The following ACTR3C variants were observed in gnomAD, a reference collection of about 807,000 sequenced individuals.
ACTR3C encodes the protein actin-related protein 3C.
In ACTR3C, 18 loss-of-function variants were observed where a neutral mutation model predicts 26.3. The ratio of observed to expected loss-of-function variants is 0.68; its 90% CI spans 0.47 to 1.01. The LOEUF (loss-of-function observed/expected upper bound fraction) is 1.01, where lower values mean the gene tolerates loss of function less well. Among genes scored for constraint, ACTR3C ranks in the 50% least tolerant of loss-of-function variants. The pLI is 0.00. For synonymous variants in ACTR3C, 55 were observed against 94.5 expected (o/e 0.58, Z 2.42); for missense variants, 184 against 250.7 (o/e 0.73, Z 1.80).
the ACTR3C span, among the ~76,000 whole-genome samples, chr7:150,172,610 T>C: frequency 6.0e-5 from 9 of 149,860 alleles, no homozygotes; most frequent in Non-Finnish European, 1.3e-4. Flanking sequence ...TCAAAACCAA[T>C]CATGCCTTCC....
At chr7:150,174,197 A>AAGACT in the ACTR3C span, among the ~76,000 whole-genome samples, 3 of 139,624 alleles carry the variant, frequency 2.1e-5, no homozygotes, top group Non-Finnish European at 4.4e-5. Context: ...AGACACACCT[A>AAGACT]AGACTAGGAA....
chr7:150,035,206 G>A, the ACTR3C span, among the ~76,000 whole-genome samples: 156 of 127,918 alleles, frequency 1.2e-3, 15 homozygotes, highest in Middle Eastern at 4.0e-3. Flanking sequence ...CCTCACGGGG[G>A]GTGCCTCCCA....
chr7:150,078,932 C>G, the ACTR3C span, among the ~76,000 whole-genome samples: 162 of 152,244 alleles, frequency 1.1e-3, 1 homozygote, highest in African/African-American at 3.7e-3. Flanking sequence ...TCACTTGTCT[C>G]TACTGAAGGA....
chr7:150,184,586 A>C, the ACTR3C span, among the ~76,000 whole-genome samples: 5 of 150,442 alleles, frequency 3.3e-5, no homozygotes, highest in Admixed American at 3.3e-4. Flanking sequence ...TACCGGCAGG[A>C]CAGCATCCTA....
At chr7:150,168,955 C>T in the ACTR3C span, among the ~76,000 whole-genome samples, 86 of 150,822 alleles carry the variant, frequency 5.7e-4, 6 homozygotes, top group African/African-American at 2.0e-3. Context: ...TCTGCATCCC[C>T]GAAACCTGCC....
chr7:150,200,123 G>A, the ACTR3C span, among the ~76,000 whole-genome samples: 43 of 152,274 alleles, frequency 2.8e-4, no homozygotes, highest in African/African-American at 9.1e-4. Context: ...CGATAATGAA[G>A]AAGAACCTTA....
Position 150,289,531 on chromosome 7 carries a change from C to T in ACTR3C, c.216G>A (p.Thr72=), listed in dbSNP as rs1218989497. The T allele has an allele frequency of 8.1e-6, 13 of 1,605,042 alleles. No individual in the cohort carries two copies. Among genetic ancestry groups the T allele is most frequent in the African/African-American group, 1.3e-5 (1 of 74,414 alleles). ...KHIPIAGRDI[T]YFIQQLLRER... ...CCCTTAGCAGCTGTTGAATGAAATA[C>T]GTAATATCTCTACCTGCAATCGGGA... The change falls in exon 4 of 8, where the codon ACG becomes ACA. Residue 72 remains threonine, a synonymous_variant. Transcript: ENST00000683684.
At chr7:150,087,241 T>G in the ACTR3C span, among the ~76,000 whole-genome samples, 1 of 148,690 alleles carries the variant, frequency 6.7e-6, no homozygotes, top group African/African-American at 2.5e-5. Flanking sequence ...CACACTGGAC[T>G]AAAAGTTTTG....
chr7:150,023,507 G>A, the ACTR3C span, among the ~76,000 whole-genome samples: 1 of 151,408 alleles, frequency 6.6e-6, no homozygotes, highest in East Asian at 1.9e-4. Flanking sequence ...CTAATTTTTT[G>A]TATTTTTAGT....
the ACTR3C span, among the ~76,000 whole-genome samples, chr7:150,028,818 A>G: frequency 7.9e-5 from 12 of 152,260 alleles, no homozygotes; most frequent in African/African-American, 2.9e-4. Context: ...CTGCCCTCCA[A>G]TGCCGGGGCC....
At chr7:150,139,110 A>G in the ACTR3C span, among the ~76,000 whole-genome samples, 22 of 152,394 alleles carry the variant, frequency 1.4e-4, no homozygotes, top group African/African-American at 5.0e-4. Flanking sequence ...AATGTGCTTG[A>G]ATCATCCTGA....
the ACTR3C span, among the ~76,000 whole-genome samples, chr7:149,948,341 G>A: frequency 6.8e-6 from 1 of 146,896 alleles, no homozygotes; most frequent in African/African-American, 2.6e-5. Context: ...GGCAAGCTCT[G>A]GGGGTCTCTG....
chr7:150,243,875 G>A (rs1415660502), downstream of ACTR3C: 2 of 151,770 alleles, frequency 1.3e-5, no homozygotes, highest in Non-Finnish European at 2.9e-5. Context: ...ACACAGGCCA[G>A]ACTATACTTA....
At chr7:150,308,091 G>A (rs796269275) in intron 1 of ACTR3C, among the ~76,000 whole-genome samples, 2 of 152,156 alleles carry the variant, frequency 1.3e-5, no homozygotes, top group African/African-American at 2.4e-5. Flanking sequence ...TTATTCACCC[G>A]CATTCCAGAA....
At chr7:150,061,692 G>C in the ACTR3C span, among the ~76,000 whole-genome samples, 2 of 20,638 alleles carry the variant, frequency 9.7e-5, no homozygotes. Flanking sequence ...TTTGTCCACT[G>C]ACTTCTGTCA....
the ACTR3C span, among the ~76,000 whole-genome samples, chr7:150,108,570 T>C: frequency 6.1e-5 from 9 of 147,940 alleles, 1 homozygote; most frequent in Non-Finnish European, 1.3e-4. Flanking sequence ...GTTTGGGGGG[T>C]GGGGCCTTTT....
the ACTR3C span, among the ~76,000 whole-genome samples, chr7:149,902,165 A>AT: frequency 6.6e-6 from 1 of 152,100 alleles, no homozygotes; most frequent in African/African-American, 2.4e-5. Context: ...AACAATAGTA[A>AT]TTTTTTTAAT....
At chr7:150,074,397 C>T in the ACTR3C span, 1 of 152,150 alleles carries the variant, frequency 6.6e-6, no homozygotes. Context: ...TCCAGGTGTT[C>T]TTTGCTAGTG....
intron 6 of ACTR3C, among the ~76,000 whole-genome samples, chr7:150,251,436 T>G (rs990292726): frequency 8.5e-5 from 13 of 152,284 alleles, no homozygotes; most frequent in African/African-American, 3.1e-4. Flanking sequence ...TTTTTTTAAT[T>G]TAATAAAAAT....
Sources: gnomAD v4.1 joint callset for allele counts (sites outside exome capture counted in the v4.1 genomes callset) on GRCh38, gnomAD v4.1.1 for gene constraint, MANE v1.5 for transcripts, NCBI Gene and HGNC (gene_info 2026-07-23, HGNC 2026-07-21) for gene names.